The following IL6R variants were observed in gnomAD, a reference collection of about 807,000 sequenced individuals.
IL6R encodes the protein interleukin 6 receptor.
In IL6R, 38 loss-of-function variants were observed where a neutral mutation model predicts 48.3. The observed-to-expected ratio is 0.79, with a 90% CI of 0.61 to 1.03. The LOEUF (loss-of-function observed/expected upper bound fraction) is 1.03. Ranked by LOEUF, IL6R falls within the 50% of genes least tolerant of loss-of-function variation. The pLI, the probability that IL6R is intolerant of heterozygous loss-of-function variation, is 0.00. For synonymous variants in IL6R, 264 were observed against 256.2 expected, an observed-to-expected ratio of 1.03 and a Z score of -0.29; for missense variants, 534 against 618.3, an observed-to-expected ratio of 0.86 and a Z score of 1.45.
At chr1:154,431,987 TG>T (rs1345675826) in intron 3 of IL6R, among the ~76,000 whole-genome samples, 4 of 152,194 alleles carry the variant, frequency 2.6e-5, no homozygotes, top group African/African-American at 9.7e-5. Flanking sequence ...GCCGAAATCT[TG>T]GAAAGCAAAA....
rs887060578 is a variant in IL6R, at chr1:154,468,526, C to A, written c.*3146C>A. The A allele has an allele frequency of 6.6e-6, 1 of 152,230 alleles. No individual in the cohort carries two copies. Among genetic ancestry groups the A allele is most frequent in the African/African-American group, 2.4e-5 (1 of 41,460 alleles). The allele number at this position is 152,230 out of a possible 1,614,324, so 9.4% of individuals were successfully genotyped here. A position where few individuals can be genotyped will look rare whatever the true frequency, so the allele number is the denominator to read the frequency against. ...GGTAGCACTGGCTATGTTGACGAGG[C>A]CTTTGGTAACTCAGAGAGCTCTTGG... On this transcript the variant is annotated 3_prime_UTR_variant, in exon 10 of 10. Coordinates refer to ENST00000368485, the MANE Select transcript of IL6R (RefSeq NM_000565.4).
chr1:154,426,043 C>G (rs549304170), intron 1 of IL6R, among the ~76,000 whole-genome samples: 2 of 151,442 alleles, frequency 1.3e-5, no homozygotes, highest in East Asian at 3.9e-4. Flanking sequence ...CCACTGCACT[C>G]CAGCCTGGGC....
At chr1:154,414,780 C>T in intron 1 of IL6R, 2 of 765,282 alleles carry the variant, frequency 2.6e-6, no homozygotes, top group Non-Finnish European at 4.7e-6. Context: ...GCAGCCACTC[C>T]AGCTCCATGT....
chr1:154,409,429 A>G (rs887984357), intron 1 of IL6R, among the ~76,000 whole-genome samples: 3 of 152,216 alleles, frequency 2.0e-5, no homozygotes, highest in African/African-American at 7.2e-5. Context: ...AGCCAGGCAC[A>G]TCTCTGCCCT....
At chr1:154,420,515 A>G (rs886960887) in intron 1 of IL6R, among the ~76,000 whole-genome samples, 2 of 149,874 alleles carry the variant, frequency 1.3e-5, no homozygotes, top group African/African-American at 4.9e-5. Context: ...ATTTTATTTT[A>G]TTTATTTATT....
chr1:154,450,413 C>G (rs552762094), intron 8 of IL6R, among the ~76,000 whole-genome samples: 2 of 152,070 alleles, frequency 1.3e-5, no homozygotes, highest in African/African-American at 4.8e-5. Context: ...CATGAGCCAC[C>G]GTGCCTGGCC....
intron 6 of IL6R, among the ~76,000 whole-genome samples, chr1:154,441,183 G>A (rs994845212): frequency 1.3e-5 from 2 of 152,172 alleles, no homozygotes; most frequent in African/African-American, 4.8e-5. Flanking sequence ...GAGATGGTCT[G>A]TGAATTCTTC....
rs139432290 is a variant in IL6R, at chr1:154,420,383, C to T, written c.86-8813C>T. Among the ~76,000 whole-genome samples the T allele has an allele frequency of 4.1e-3, 618 of 151,966 alleles. 10 individuals are homozygous for T. Among genetic ancestry groups the T allele is most frequent in the African/African-American group, 0.013 (558 of 41,446 alleles). On this transcript the variant is annotated intron_variant, in intron 1 of 9. Transcript: ENST00000368485. The stretch of plus-strand genomic sequence containing the variant: ...GAAGGCCAGTGGGCTCTGCCAGGGG[C>T]GGTGACGTGCCCATGGCTGCCTGTG...
chr1:154,410,679 G>C (rs551792649), intron 1 of IL6R, among the ~76,000 whole-genome samples: 1 of 152,274 alleles, frequency 6.6e-6, no homozygotes, highest in Non-Finnish European at 1.5e-5. Context: ...ACGTTAGCTG[G>C]ACCTCAGCAG....
At position 154,436,060 on chromosome 1, in the gene IL6R, A is replaced by G; in HGVS notation, c.899A>G (p.Gln300Arg). 6.2e-7 allele frequency: 1 copy of G among 1,613,254 alleles called. No homozygotes were observed. The highest frequency in any genetic ancestry group is 8.5e-7 in the Non-Finnish European group (1 of 1,179,544). ...CTTCGTGCCCAGGAGGAGTTCGGGC[A>G]AGGCGAGTGGAGCGAGTGGAGCCCG... ...VQLRAQEEFGQGEWSEWSPEA... is the reference protein window; with the variant it reads ...VQLRAQEEFGRGEWSEWSPEA... The change falls in exon 6 of 10, where the codon CAA becomes CGA. Residue 300 changes from glutamine (Q) to arginine (R), a missense_variant. Coordinates refer to ENST00000368485, the MANE Select transcript of IL6R (RefSeq NM_000565.4).
chr1:154,429,733 C>G (rs956630619), intron 2 of IL6R, among the ~76,000 whole-genome samples: 1 of 151,986 alleles, frequency 6.6e-6, no homozygotes, highest in African/African-American at 2.4e-5. Flanking sequence ...ATCCTGCTCC[C>G]TCACATACAG....
chr1:154,446,702 A>G (rs891474819), intron 6 of IL6R, among the ~76,000 whole-genome samples: 1 of 152,178 alleles, frequency 6.6e-6, no homozygotes, highest in Admixed American at 6.5e-5. Flanking sequence ...CTGCTGCTGC[A>G]ATGTGTACTA....
At position 154,465,419 on chromosome 1, in the gene IL6R, A is replaced by G. The variant is rs778039275; in HGVS notation, c.*39A>G. 1.2e-5 allele frequency: 20 copies of G among 1,610,682 alleles called. No individual in the cohort carries two copies. Among genetic ancestry groups the G allele is most frequent in the Non-Finnish European group, 1.5e-5 (18 of 1,177,252 alleles). On this transcript the variant is annotated 3_prime_UTR_variant, in exon 10 of 10. Transcript: ENST00000368485. ...ACCAGCAGCCTGGACCCTGTGGATG[A>G]TAAAACACAAACGGGCTCAGCAAAA...
At chr1:154,448,654 C>A (rs965061478) in intron 7 of IL6R, among the ~76,000 whole-genome samples, 2 of 152,098 alleles carry the variant, frequency 1.3e-5, no homozygotes, top group Admixed American at 6.6e-5. Flanking sequence ...TGGAGCTGTG[C>A]GGCACAGGGA....
At position 154,436,082 on chromosome 1, in the gene IL6R, C is replaced by G; in HGVS notation, c.921C>G (p.Ser307Arg). 3.1e-6 allele frequency: 5 copies of G among 1,612,390 alleles called. No homozygotes were observed. Among genetic ancestry groups the G allele is most frequent in the Non-Finnish European group, 4.2e-6 (5 of 1,178,902 alleles). The change falls in exon 6 of 10, where the codon AGC becomes AGG. Residue 307 changes from serine to arginine, a missense_variant. By Grantham distance (110) the Ser-to-Arg change is moderately radical. Coordinates refer to ENST00000368485, the MANE Select transcript of IL6R (RefSeq NM_000565.4). ...EFGQGEWSEW[S>R]PEAMGTPWTE... is the part of the protein sequence containing the mutation. ...GGCAAGGCGAGTGGAGCGAGTGGAG[C>G]CCGGAGGCCATGGGCACGCCTTGGA...
chr1:154,424,986 G>T (rs1302362781), intron 1 of IL6R, among the ~76,000 whole-genome samples: 1 of 152,116 alleles, frequency 6.6e-6, no homozygotes, highest in Admixed American at 6.5e-5. Context: ...GAGCAAGCAG[G>T]GGGTACGTGA....
In IL6R at chr1:154,467,051, C is replaced by T. The variant is rs1448310615; in HGVS notation, c.*1671C>T. The T allele has an allele frequency of 6.6e-6, 1 of 152,318 alleles. No homozygotes were observed. Among genetic ancestry groups the T allele is most frequent in the African/African-American group, 2.4e-5 (1 of 41,412 alleles). 9.4% of individuals were successfully genotyped at this position (152,318 alleles called of 1,614,324 possible). A position where few individuals can be genotyped will look rare whatever the true frequency, so the allele number is the denominator to read the frequency against. On this transcript the variant is annotated 3_prime_UTR_variant, in exon 10 of 10. Transcript: ENST00000368485. ...CCCTGTCCCAGTGCCGAGAAGGAAG[C>T]CTCCCACGACTGCCCGGCAGGGTCC...
At position 154,434,659 on chromosome 1, in the gene IL6R, G is replaced by A; in HGVS notation, c.599G>A (p.Ser200Asn). Residue 200 changes from serine to asparagine, a missense_variant, in exon 4 of 10, where the codon AGC becomes AAC. Coordinates refer to ENST00000368485, the MANE Select transcript of IL6R (RefSeq NM_000565.4). ...VSMCVASSVGSKFSKTQTFQG... is the reference protein window; with the variant it reads ...VSMCVASSVGNKFSKTQTFQG... ...ATGTGCGTCGCCAGTAGTGTCGGGA[G>A]CAAGTTCAGCAAAACTCAAACCTTT... The A allele has an allele frequency of 6.2e-7, 1 of 1,614,156 alleles. No homozygotes were observed. The highest frequency in any genetic ancestry group is 8.5e-7 in the Non-Finnish European group (1 of 1,180,020).
chr1:154,448,874 G>GCTTC (rs1270091248), intron 7 of IL6R, among the ~76,000 whole-genome samples: 1 of 75,388 alleles, frequency 1.3e-5, no homozygotes, highest in Non-Finnish European at 2.6e-5. Context: ...GCTTGTAAGG[G>GCTTC]CTTTTTTTTT....
Sources: gnomAD v4.1 joint callset for allele counts (sites outside exome capture counted in the v4.1 genomes callset) on GRCh38, gnomAD v4.1.1 for gene constraint, MANE v1.5 for transcripts, NCBI Gene and HGNC (gene_info 2026-07-23, HGNC 2026-07-21) for gene names.